Variants in SOX6 observed in about 807,000 individuals in gnomAD.
SOX6 encodes the protein transcription factor SOX-6.
SOX6 carries 11 observed loss-of-function variants against 97.8 expected under a neutral mutation model. The observed-to-expected ratio is 0.11, with a 90% CI of 0.07 to 0.19. The LOEUF (loss-of-function observed/expected upper bound fraction) is 0.19, where lower values mean the gene tolerates loss of function less well. Among genes scored for constraint, SOX6 ranks in the 10% least tolerant of loss-of-function variants. The pLI is 1.00. For synonymous variants in SOX6, 360 were observed against 371.4 expected (o/e 0.97, Z 0.35); for missense variants, 810 against 1,039.5 (o/e 0.78, Z 3.04).
At chr11:16,571,902 T>C (rs1164367855) in intron 4 of SOX6, among the ~76,000 whole-genome samples, 2 of 152,182 alleles carry the variant, frequency 1.3e-5, no homozygotes, top group African/African-American at 4.8e-5. Context: ...ACCCACCCAC[T>C]TTGGCCTCCC....
In SOX6 at chr11:16,055,648, G is replaced by A; in HGVS notation, c.1251+104C>T. On this transcript the variant is annotated intron_variant, in intron 10 of 15. Coordinates refer to ENST00000683767, the MANE Select transcript of SOX6 (RefSeq NM_001367873.1). ...GAGGGACATTTTGGGGTTGCTTTAT[G>A]TTGCTATGTTTCCTGCTGTTTATGC... The A allele has an allele frequency of 3.5e-6, 5 of 1,426,106 alleles. No homozygotes were observed. The South Asian group carries it at 3.6e-5, about 10-fold the overall frequency. 88.3% of individuals were successfully genotyped at this position (1,426,106 alleles called of 1,614,324 possible).
intron 6 of SOX6, among the ~76,000 whole-genome samples, chr11:16,153,664 A>T (rs1022825653): frequency 2.0e-5 from 3 of 152,122 alleles, no homozygotes; most frequent in Admixed American, 6.6e-5. Context: ...AGTAATGACC[A>T]TCGAACTCTG....
chr11:16,188,484 C>G (rs922430185), intron 4 of SOX6, among the ~76,000 whole-genome samples: 1 of 151,914 alleles, frequency 6.6e-6, no homozygotes, highest in African/African-American at 2.4e-5. Context: ...TTTATTGATC[C>G]AGAACTTCCA....
At chr11:16,386,382 A>T (rs1045451164) in intron 1 of SOX6, among the ~76,000 whole-genome samples, 1 of 152,096 alleles carries the variant, frequency 6.6e-6, no homozygotes, top group Non-Finnish European at 1.5e-5. Flanking sequence ...GCCCTGAAAC[A>T]TAAAATCTAA....
intron 4 of SOX6, among the ~76,000 whole-genome samples, chr11:16,518,602 C>T (rs775878727): frequency 7.9e-5 from 12 of 152,130 alleles, no homozygotes; most frequent in Middle Eastern, 3.2e-3. Context: ...AATATGTCTA[C>T]TGAAGTTAAA....
At chr11:16,530,871 C>A (rs1186166656) in intron 4 of SOX6, among the ~76,000 whole-genome samples, 1 of 150,554 alleles carries the variant, frequency 6.6e-6, no homozygotes, top group Non-Finnish European at 1.5e-5. Flanking sequence ...GTAAGCCACA[C>A]CAAACTTCTA....
chr11:16,196,979 G>A (rs1158230472), intron 4 of SOX6, among the ~76,000 whole-genome samples: 1 of 151,702 alleles, frequency 6.6e-6, no homozygotes, highest in East Asian at 1.9e-4. Flanking sequence ...AACTACAGGT[G>A]CCTGCCACCA....
chr11:16,092,761 AAAAAC>A (rs778280572), intron 9 of SOX6, among the ~76,000 whole-genome samples: 3 of 151,850 alleles, frequency 2.0e-5, no homozygotes, highest in African/African-American at 4.8e-5. Flanking sequence ...ACTCCCCATT[AAAAAC>A]AAAACAAAAC....
intron 3 of SOX6, among the ~76,000 whole-genome samples, chr11:16,636,339 G>A (rs1389961829): frequency 6.6e-6 from 1 of 152,194 alleles, no homozygotes; most frequent in Non-Finnish European, 1.5e-5. Flanking sequence ...CCGGATTTCA[G>A]ACTTGCATGG....
At chr11:16,422,131 C>T (rs1001229345) in intron 1 of SOX6, among the ~76,000 whole-genome samples, 1 of 152,156 alleles carries the variant, frequency 6.6e-6, no homozygotes, top group Non-Finnish European at 1.5e-5. Context: ...TATTTTATCA[C>T]TTTCCTTGCA....
chr11:15,996,259 G>A (rs573570742), intron 13 of SOX6, among the ~76,000 whole-genome samples: 8 of 152,162 alleles, frequency 5.3e-5, no homozygotes, highest in Non-Finnish European at 8.8e-5. Context: ...AATATTTTAC[G>A]TGAAGTGGTA....
At chr11:16,002,161 C>A (rs563478015) in intron 13 of SOX6, among the ~76,000 whole-genome samples, 2 of 152,258 alleles carry the variant, frequency 1.3e-5, no homozygotes, top group South Asian at 4.1e-4. Context: ...AAACACACGA[C>A]CGGAGTGGCG....
At chr11:16,604,497 G>A (rs565064635) in intron 4 of SOX6, among the ~76,000 whole-genome samples, 1 of 152,316 alleles carries the variant, frequency 6.6e-6, no homozygotes, top group South Asian at 2.1e-4. Context: ...GTGCAGCCAG[G>A]GCCAAAGCCC....
chr11:16,219,239 C>T (rs1338808854), intron 4 of SOX6, among the ~76,000 whole-genome samples: 1 of 151,990 alleles, frequency 6.6e-6, no homozygotes, highest in Non-Finnish European at 1.5e-5. Context: ...AAATTTTGAG[C>T]TCAGTTGTAT....
intron 2 of SOX6, among the ~76,000 whole-genome samples, chr11:16,728,634 C>T (rs1379893025): frequency 6.6e-6 from 1 of 152,148 alleles, no homozygotes; most frequent in Non-Finnish European, 1.5e-5. Context: ...AAAACCAGTA[C>T]AAAAATGCTG....
chr11:16,574,705 C>T (rs1040714779), intron 4 of SOX6, among the ~76,000 whole-genome samples: 26 of 152,172 alleles, frequency 1.7e-4, no homozygotes, highest in African/African-American at 6.3e-4. Flanking sequence ...ATGTAAACAA[C>T]AGTTCATATA....
chr11:16,727,961 G>A (rs1008888809), intron 2 of SOX6, among the ~76,000 whole-genome samples: 5 of 152,006 alleles, frequency 3.3e-5, no homozygotes, highest in Non-Finnish European at 7.4e-5. Flanking sequence ...AGACTTTGTG[G>A]CCAGAACAGA....
At chr11:16,353,382 C>G (rs1856997245) in intron 1 of SOX6, among the ~76,000 whole-genome samples, 1 of 152,026 alleles carries the variant, frequency 6.6e-6, no homozygotes, top group African/African-American at 2.4e-5. Context: ...ATCCTAACTT[C>G]TGAGGAAAAG....
chr11:16,219,664 A>G (rs1320663721), intron 4 of SOX6, among the ~76,000 whole-genome samples: 1 of 152,076 alleles, frequency 6.6e-6, no homozygotes, highest in Admixed American at 6.6e-5. Context: ...TAAAAATACC[A>G]TTTGGATGAA....
Sources: gnomAD v4.1 joint callset for allele counts (sites outside exome capture counted in the v4.1 genomes callset) on GRCh38, gnomAD v4.1.1 for gene constraint, MANE v1.5 for transcripts, NCBI Gene and HGNC (gene_info 2026-07-23, HGNC 2026-07-21) for gene names.